Variants in RFTN1 observed in about 807,000 individuals in gnomAD.
RFTN1 encodes the protein raftlin, lipid raft linker 1, also known as raftlin.
Under a neutral mutation model 46.5 loss-of-function variants are expected in RFTN1, and 26 were observed. The observed-to-expected ratio is 0.56, with a 90% confidence interval of 0.41 to 0.78. RFTN1 has a LOEUF of 0.78. RFTN1 is among the 30% of genes least tolerant of loss of function. The probability of loss-of-function intolerance (pLI) is 0.00; values close to 1 mark genes in which losing one functional copy is unlikely to be tolerated. For missense variants in RFTN1, 693 were observed against 718.7 expected (o/e 0.96, Z 0.41); for synonymous variants, 261 against 284.2 (o/e 0.92, Z 0.82).
At chr3:16,406,853 G>A (rs2074868973) in intron 4 of RFTN1, among the ~76,000 whole-genome samples, 1 of 152,184 alleles carries the variant, frequency 6.6e-6, no homozygotes, top group Non-Finnish European at 1.5e-5. Flanking sequence ...AACACAGAAT[G>A]AGCAGGTGTC....
At position 16,400,130 on chromosome 3, in the gene RFTN1, C is replaced by T. The variant is rs145637636; in HGVS notation, c.441+9245G>A. On this transcript the variant is annotated intron_variant, in intron 4 of 9. Transcript: ENST00000334133. The surrounding 1 kb of genome is among the most constrained non-coding windows in gnomAD (Gnocchi z 4.5). ...TGCACTACACTTAGGATAAAGGGCC[C>T]CATCCTCAGCCTGGCCTGCAGGGCT... Among the ~76,000 whole-genome samples the T allele has an allele frequency of 6.6e-6, 1 of 152,270 alleles. No individual in the cohort carries two copies. The highest frequency in any genetic ancestry group is 1.5e-5 in the Non-Finnish European group (1 of 68,024).
Position 16,506,567 on chromosome 3 carries a change from G to T in RFTN1, c.-9+6875C>A, listed in dbSNP as rs2076810466. The stretch of plus-strand genomic sequence containing the variant: ...ATTTGGAAAAAGGGGATGAGCAAAA[G>T]AGGGCATCCAAGACACCTCTAGGGT... On this transcript the variant is annotated intron_variant, in intron 1 of 9. Coordinates refer to ENST00000334133, the MANE Select transcript of RFTN1 (RefSeq NM_015150.2). This position sits in a 1 kb window ranked among gnomAD's most constrained non-coding sequence, Gnocchi z 4.8. 6.6e-6 allele frequency among the ~76,000 whole-genome samples: 1 copy of T among 152,090 alleles called. No individual in the cohort carries two copies. The highest frequency in any genetic ancestry group is 2.4e-5 in the African/African-American group (1 of 41,394).
chr3:16,470,254 A>G (rs1267638450), intron 2 of RFTN1, among the ~76,000 whole-genome samples: 1 of 152,186 alleles, frequency 6.6e-6, no homozygotes, highest in East Asian at 1.9e-4. Context: ...ACACACATAC[A>G]GACATAAAAA....
chr3:16,464,568 T>G (rs1193525729), intron 2 of RFTN1, among the ~76,000 whole-genome samples: 1 of 152,242 alleles, frequency 6.6e-6, no homozygotes, highest in East Asian at 1.9e-4. Flanking sequence ...CCCCCCCATA[T>G]AAACTAATAA....
chr3:16,367,984 G>A (rs112286106), intron 6 of RFTN1, among the ~76,000 whole-genome samples: 3,742 of 131,656 alleles, frequency 0.028, 131 homozygotes, highest in African/African-American at 0.094. Context: ...GCACCTCTCT[G>A]CACACCTTCA....
In RFTN1 at chr3:16,465,832, T is replaced by C. The variant is rs1018054882; in HGVS notation, c.145+27893A>G. 1.3e-5 allele frequency among the ~76,000 whole-genome samples: 2 copies of C among 152,082 alleles called. No individual in the cohort carries two copies. The highest frequency in any genetic ancestry group is 4.8e-5 in the African/African-American group (2 of 41,402). On this transcript the variant is annotated intron_variant, in intron 2 of 9. Coordinates refer to ENST00000334133, the MANE Select transcript of RFTN1 (RefSeq NM_015150.2). This position sits in a 1 kb window ranked among gnomAD's most constrained non-coding sequence, Gnocchi z 5.1. ...GAGGACTTGAGCGGGAAAAGCAAGA[T>C]GTAAGGTAGAGAAAGACTAATTCAT... is the stretch of plus-strand genomic sequence containing the variant.
Position 16,337,584 on chromosome 3 carries a change from A to G in RFTN1, c.1147-10708T>C, listed in dbSNP as rs1423242059. 6.6e-6 allele frequency among the ~76,000 whole-genome samples: 1 copy of G among 151,936 alleles called. No individual in the cohort carries two copies. The highest frequency in any genetic ancestry group is 1.5e-5 in the Non-Finnish European group (1 of 67,996). ...TGGTGAAACCTCGTCTCTACTAAAAATACAAAAATTAGCCAAGCATGGTGG... is the reference window on the plus strand; with the variant it reads ...TGGTGAAACCTCGTCTCTACTAAAAGTACAAAAATTAGCCAAGCATGGTGG... On this transcript the variant is annotated intron_variant, in intron 7 of 9. Transcript: ENST00000334133. The surrounding 1 kb of genome is among the most constrained non-coding windows in gnomAD (Gnocchi z 5.0).
chr3:16,364,729 G>A (rs1393165592), intron 6 of RFTN1, among the ~76,000 whole-genome samples: 1 of 152,160 alleles, frequency 6.6e-6, no homozygotes, highest in African/African-American at 2.4e-5. Flanking sequence ...TTGACACAAT[G>A]GAATAGCACA....
chr3:16,397,249 G>A (rs986649433), intron 4 of RFTN1, among the ~76,000 whole-genome samples: 5 of 151,854 alleles, frequency 3.3e-5, no homozygotes, highest in Admixed American at 6.6e-5. Flanking sequence ...AGGCAGACAC[G>A]AAATGAAAAA....
At chr3:16,401,838 G>A (rs947709919) in intron 4 of RFTN1, among the ~76,000 whole-genome samples, 2 of 152,162 alleles carry the variant, frequency 1.3e-5, no homozygotes, top group African/African-American at 4.8e-5. Context: ...CCAAACAACA[G>A]ATCTTGCAAT....
At position 16,470,969 on chromosome 3, in the gene RFTN1, C is replaced by T. The variant is rs181261245; in HGVS notation, c.145+22756G>A. Among the ~76,000 whole-genome samples the T allele has an allele frequency of 3.5e-4, 53 of 152,328 alleles. 1 individual carries two copies. The highest frequency in any genetic ancestry group is 6.8e-3 in the Middle Eastern group (2 of 294). On this transcript the variant is annotated intron_variant, in intron 2 of 9. Coordinates refer to ENST00000334133, the MANE Select transcript of RFTN1 (RefSeq NM_015150.2). ...TTCAATATCTGTCCAACCTACCTCA[C>T]AGAGTTGTTAAAGGTAAAATATGCA... is the stretch of plus-strand genomic sequence containing the variant.
In RFTN1 at chr3:16,489,092, G is replaced by C. The variant is rs1454914148; in HGVS notation, c.145+4633C>G. On this transcript the variant is annotated intron_variant, in intron 2 of 9. Transcript: ENST00000334133. This position sits in a 1 kb window ranked among gnomAD's most constrained non-coding sequence, Gnocchi z 4.0. Reference sequence around the variant, plus strand: ...TTTTGAAAAAGAGTACGTACTATTTGATTCCATTTATATAACATCCTGGGA... The same window carrying C: ...TTTTGAAAAAGAGTACGTACTATTTCATTCCATTTATATAACATCCTGGGA... 6.6e-6 allele frequency among the ~76,000 whole-genome samples: 1 copy of C among 152,132 alleles called. No individual in the cohort carries two copies. Among genetic ancestry groups the C allele is most frequent in the Non-Finnish European group, 1.5e-5 (1 of 68,014 alleles).
chr3:16,444,831 C>T (rs1392188345), intron 2 of RFTN1, among the ~76,000 whole-genome samples: 3 of 152,212 alleles, frequency 2.0e-5, no homozygotes, highest in Non-Finnish European at 4.4e-5. Context: ...ACCACCACTA[C>T]AACCACCATC....
rs980608552 is a variant in RFTN1 at position 16,450,464 on chromosome 3, C to T, written c.146-16427G>A. The stretch of plus-strand genomic sequence containing the variant: ...CTGAGGCCCATCCAAGGGCTCTCTC[C>T]CACTGCACCATGATGCTGCATGACC... On this transcript the variant is annotated intron_variant, in intron 2 of 9. Coordinates refer to ENST00000334133, the MANE Select transcript of RFTN1 (RefSeq NM_015150.2). The surrounding 1 kb of genome is among the most constrained non-coding windows in gnomAD (Gnocchi z 4.6). 6.6e-6 allele frequency among the ~76,000 whole-genome samples: 1 copy of T among 152,188 alleles called. No homozygotes were observed. The highest frequency in any genetic ancestry group is 2.4e-5 in the African/African-American group (1 of 41,460).
At chr3:16,434,233 T>C (rs1337407305) in intron 2 of RFTN1, among the ~76,000 whole-genome samples, 196 bp from the exon 3 acceptor site, 3 of 152,104 alleles carry the variant, frequency 2.0e-5, no homozygotes, top group South Asian at 4.1e-4. Context: ...GCATTAATAA[T>C]TGGATGTCGG....
chr3:16,430,743 C>T (rs1172770120), intron 3 of RFTN1, among the ~76,000 whole-genome samples: 1 of 152,148 alleles, frequency 6.6e-6, no homozygotes, highest in Non-Finnish European at 1.5e-5. Flanking sequence ...TTGAAATGTT[C>T]ATTAAGTTCA....
chr3:16,435,911 G>GACATAAAT (rs1477304184), intron 2 of RFTN1, among the ~76,000 whole-genome samples: 34 of 90,824 alleles, frequency 3.7e-4, no homozygotes, highest in African/African-American at 1.6e-3. Context: ...AAAAATCAGA[G>GACATAAAT]ATGTAAATAT....
Position 16,457,581 on chromosome 3 carries a change from A to G in RFTN1, c.146-23544T>C, listed in dbSNP as rs1311887397. Among the ~76,000 whole-genome samples the G allele has an allele frequency of 6.6e-6, 1 of 152,232 alleles. No homozygotes were observed. Among genetic ancestry groups the G allele is most frequent in the Non-Finnish European group, 1.5e-5 (1 of 68,036 alleles). ...TACAAACTTACCTCAAATACCACTT[A>G]TTTAGTTCTGTAAATTTTAAGTAAT... is the stretch of plus-strand genomic sequence containing the variant. On this transcript the variant is annotated intron_variant, in intron 2 of 9. Transcript: ENST00000334133. The surrounding 1 kb of genome is among the most constrained non-coding windows in gnomAD (Gnocchi z 4.2).
At chr3:16,406,150 A>G (rs1354831965) in intron 4 of RFTN1, among the ~76,000 whole-genome samples, 2 of 152,342 alleles carry the variant, frequency 1.3e-5, no homozygotes, top group Non-Finnish European at 1.5e-5. Context: ...TGGAATAGCC[A>G]CGGGTGTTGG....
Sources: gnomAD v4.1 joint callset for allele counts (sites outside exome capture counted in the v4.1 genomes callset) on GRCh38, gnomAD v4.1.1 for gene constraint, Gnocchi (gnomAD v3.1) non-coding constraint, MANE v1.5 for transcripts, NCBI Gene and HGNC (gene_info 2026-07-23, HGNC 2026-07-21) for gene names.